Variants in FMN2 observed in about 807,000 individuals in gnomAD.
FMN2 encodes the protein formin 2.
FMN2 carries 51 observed loss-of-function variants against 142.3 expected under a neutral mutation model. That is an observed-to-expected ratio of 0.36 (90% confidence interval 0.29 to 0.45). The LOEUF (loss-of-function observed/expected upper bound fraction) is 0.45. Among genes scored for constraint, FMN2 ranks in the 20% least tolerant of loss-of-function variants. FMN2 has a pLI of 1.00. For missense variants in FMN2, 1,936 were observed against 2,122.8 expected (o/e 0.91, Z 1.73); for synonymous variants, 882 against 869.8 (o/e 1.01, Z -0.25).
chr1:240,220,969 T>G (rs957604011), intron 6 of FMN2, among the ~76,000 whole-genome samples: 6 of 152,136 alleles, frequency 3.9e-5, no homozygotes, highest in Non-Finnish European at 7.3e-5. Flanking sequence ...CATGCAGTAT[T>G]TGGTTTTCTG....
intron 2 of FMN2, among the ~76,000 whole-genome samples, chr1:240,126,022 A>C (rs1662485098): frequency 6.6e-6 from 1 of 152,198 alleles, no homozygotes; most frequent in Non-Finnish European, 1.5e-5. Flanking sequence ...ACAAAGAAGA[A>C]AATTAAAGAT....
intron 4 of FMN2, among the ~76,000 whole-genome samples, chr1:240,205,765 C>T (rs1262164180): frequency 1.3e-5 from 2 of 151,438 alleles, no homozygotes; most frequent in Non-Finnish European, 2.9e-5. Flanking sequence ...CCGGCCAATG[C>T]CCTTCTTTCT....
At chr1:240,267,322 A>C (rs1004656637) in intron 7 of FMN2, among the ~76,000 whole-genome samples, 1 of 152,150 alleles carries the variant, frequency 6.6e-6, no homozygotes, top group Non-Finnish European at 1.5e-5. Flanking sequence ...AAATGAGATC[A>C]TGTCCTTTGC....
At chr1:240,282,296 TCCAAA>T (rs1669424499) in intron 7 of FMN2, among the ~76,000 whole-genome samples, 1 of 152,100 alleles carries the variant, frequency 6.6e-6, no homozygotes, top group South Asian at 2.1e-4. Flanking sequence ...TCTATCTAAA[TCCAAA>T]ACACAAGGTC....
At chr1:240,113,123 A>G (rs954162433) in intron 1 of FMN2, among the ~76,000 whole-genome samples, 6 of 152,144 alleles carry the variant, frequency 3.9e-5, no homozygotes, top group Non-Finnish European at 7.4e-5. Flanking sequence ...CTGTCTAGGA[A>G]CAGTGATTTG....
intron 6 of FMN2, among the ~76,000 whole-genome samples, chr1:240,217,734 A>G (rs1401174226): frequency 6.6e-6 from 1 of 151,964 alleles, no homozygotes; most frequent in Non-Finnish European, 1.5e-5. Context: ...ATGCAATAAT[A>G]TTAACCTCTG....
rs775389609 is a variant in FMN2 at position 240,329,459 on chromosome 1, A to C, written c.4428A>C (p.Lys1476Asn). The change falls in exon 10 of 18, where the codon AAA becomes AAC. Residue 1476 changes from lysine (K) to asparagine (N), a missense_variant. Lys to Asn is a moderately conservative substitution (Grantham distance 94). Coordinates refer to ENST00000319653, the MANE Select transcript of FMN2 (RefSeq NM_020066.5). ...GTCGCAAACTGGAATTACTACAGAA[A>C]TTGTGTGAGGTGAGTTCTGGTCCAA... ...SIRRKLELLQKLCETLKNGPG... is the reference protein window; with the variant it reads ...SIRRKLELLQNLCETLKNGPG... The C allele has an allele frequency of 6.2e-7, 1 of 1,613,746 alleles. No individual in the cohort carries two copies.
At position 240,368,637 on chromosome 1, in the gene FMN2, G is replaced by A. The variant is rs1672760390; in HGVS notation, c.4858+12729G>A. 2.0e-5 allele frequency among the ~76,000 whole-genome samples: 3 copies of A among 152,108 alleles called. No homozygotes were observed. The South Asian group carries it at 6.2e-4, about 32-fold the overall frequency. On this transcript the variant is annotated intron_variant, in intron 14 of 17. Coordinates refer to ENST00000319653, the MANE Select transcript of FMN2 (RefSeq NM_020066.5). ...AATAATGACAGTTTTATGTATGTAT[G>A]TATTTATTTGCTATGTAGTTTCTTT...
chr1:240,130,595 C>T (rs1300602595), intron 2 of FMN2, among the ~76,000 whole-genome samples: 4 of 152,216 alleles, frequency 2.6e-5, no homozygotes, highest in South Asian at 2.1e-4. Flanking sequence ...TGAGCCACCA[C>T]GCCCAGCTGA....
chr1:240,112,201 G>A (rs146330739), intron 1 of FMN2, among the ~76,000 whole-genome samples: 4,655 of 146,242 alleles, frequency 0.032, 184 homozygotes, highest in African/African-American at 0.1. Context: ...GTGTGATCTC[G>A]GCTCACTGCA....
At chr1:240,468,209 T>TGTGTGTGC (rs1457869599) in intron 16 of FMN2, among the ~76,000 whole-genome samples, 1 of 113,530 alleles carries the variant, frequency 8.8e-6, no homozygotes, top group Non-Finnish European at 2.1e-5. Context: ...TATATATATG[T>TGTGTGTGC]GTGTGTGTGT....
intron 6 of FMN2, among the ~76,000 whole-genome samples, chr1:240,227,837 G>A (rs891378199): frequency 4.6e-5 from 7 of 152,012 alleles, no homozygotes; most frequent in African/African-American, 1.7e-4. Context: ...CTACATCAAA[G>A]TTAACAATTT....
At chr1:240,452,697 T>G (rs191061465) in intron 16 of FMN2, among the ~76,000 whole-genome samples, 38 of 152,060 alleles carry the variant, frequency 2.5e-4, no homozygotes, top group South Asian at 2.1e-4. Flanking sequence ...GTAGAAAAAA[T>G]AGTAGAAAAA....
chr1:240,389,233 T>C (rs1178131893), intron 14 of FMN2, among the ~76,000 whole-genome samples: 1 of 152,226 alleles, frequency 6.6e-6, no homozygotes. Flanking sequence ...TTACACTGGC[T>C]TTCAAAACTC....
At chr1:240,161,211 T>A (rs1558329319) in intron 2 of FMN2, among the ~76,000 whole-genome samples, 1 of 152,120 alleles carries the variant, frequency 6.6e-6, no homozygotes, top group African/African-American at 2.4e-5. Flanking sequence ...TGTGCTTTAG[T>A]GGGATGTGAC....
chr1:240,123,841 A>G (rs1361981600), intron 2 of FMN2, among the ~76,000 whole-genome samples: 1 of 152,124 alleles, frequency 6.6e-6, no homozygotes, highest in Admixed American at 6.5e-5. Flanking sequence ...TCTTTCCCCA[A>G]GCCCCTGGCA....
At position 240,208,629 on chromosome 1, in the gene FMN2, G is replaced by A. The variant is rs750916075; in HGVS notation, c.3817G>A (p.Gly1273Arg). 8.7e-6 allele frequency: 14 copies of A among 1,613,810 alleles called. No homozygotes were observed. The highest frequency in any genetic ancestry group is 1.1e-5 in the Non-Finnish European group (13 of 1,180,010). ...LPPPLPSGLFGLGMNQDKGSR... is the reference protein window; with the variant it reads ...LPPPLPSGLFRLGMNQDKGSR... ...TCCTCCATTGCCAAGTGGCTTGTTT[G>A]GATTAGGGATGAATCAGGACAAAGG... Residue 1273 changes from glycine to arginine, a missense_variant, in exon 5 of 18, where the codon GGA becomes AGA. Transcript: ENST00000319653.
At chr1:240,140,018 G>T (rs932546081) in intron 2 of FMN2, among the ~76,000 whole-genome samples, 1 of 152,132 alleles carries the variant, frequency 6.6e-6, no homozygotes, top group Non-Finnish European at 1.5e-5. Context: ...AGATAAATTG[G>T]TTTCAGTTGG....
At chr1:240,437,287 T>C (rs1572311476) in intron 15 of FMN2, among the ~76,000 whole-genome samples, 1 of 139,332 alleles carries the variant, frequency 7.2e-6, no homozygotes, top group East Asian at 2.3e-4. Context: ...TGTCAGCATC[T>C]CTTGCTTTTT....
Sources: allele counts gnomAD v4.1 joint callset (sites outside exome capture counted in the v4.1 genomes callset), GRCh38; gene constraint gnomAD v4.1.1; transcripts MANE v1.5; gene names NCBI Gene and HGNC (gene_info 2026-07-23, HGNC 2026-07-21).